The following PTPN3 variants were observed in gnomAD, a reference collection of about 807,000 sequenced individuals.
PTPN3 encodes protein tyrosine phosphatase non-receptor type 3.
In PTPN3, 96 loss-of-function variants were observed where a neutral mutation model predicts 132.7. That is an observed-to-expected ratio of 0.72 (90% CI 0.61 to 0.86). PTPN3 has a LOEUF of 0.86. Ranked by LOEUF, PTPN3 falls within the 40% of genes least tolerant of loss-of-function variation. The pLI is 0.00. For missense variants in PTPN3, 1,125 were observed against 1,159.6 expected, an observed-to-expected ratio of 0.97 and a Z score of 0.43; for synonymous variants, 398 against 429.0, an observed-to-expected ratio of 0.93 and a Z score of 0.89.
In PTPN3 at chr9:109,420,545, T is replaced by C; in HGVS notation, c.1192A>G (p.Asn398Asp). 1 of 1,613,206 alleles carries C rather than the reference T, an allele frequency of 6.2e-7. No homozygotes were observed. Among genetic ancestry groups the C allele is most frequent in the Non-Finnish European group, 8.5e-7 (1 of 1,179,938 alleles). Residue 398 changes from asparagine to aspartate, a missense_variant, in exon 14 of 26, where the codon AAC (asparagine) becomes GAC (aspartate). Asn to Asp is a conservative substitution (Grantham distance 23). Transcript: ENST00000374541. Reference sequence around the variant, plus strand: ...ATGTAGGTCATTTCATTTGCAAGGTTATCTGCAGAAGAGTGGCGTGGCTTT... The same window carrying C: ...ATGTAGGTCATTTCATTTGCAAGGTCATCTGCAGAAGAGTGGCGTGGCTTT... ...IRKPRHSSADNLANEMTYITE... is the reference protein window; with the variant it reads ...IRKPRHSSADDLANEMTYITE...
intron 14 of PTPN3, among the ~76,000 whole-genome samples, chr9:109,414,940 T>G (rs1329791948): frequency 6.6e-6 from 1 of 151,962 alleles, no homozygotes; most frequent in Non-Finnish European, 1.5e-5. Context: ...GGACACATGA[T>G]GTGGAAGTGG....
At chr9:109,452,804 TC>T (rs1554799350) in intron 5 of PTPN3, among the ~76,000 whole-genome samples, 1 of 152,166 alleles carries the variant, frequency 6.6e-6, no homozygotes, top group African/African-American at 2.4e-5. Context: ...CAAGTGACCC[TC>T]CCGCCTTGGG....
chr9:109,536,193 A>G, the PTPN3 span, among the ~76,000 whole-genome samples: 1 of 152,244 alleles, frequency 6.6e-6, no homozygotes, highest in Non-Finnish European at 1.5e-5. Context: ...CATTTATCAG[A>G]ACTTCATTCC....
chr9:109,415,077 A>ACCATTCAT, intron 14 of PTPN3, among the ~76,000 whole-genome samples: 1 of 125,188 alleles, frequency 8.0e-6, no homozygotes, highest in South Asian at 2.9e-4. Flanking sequence ...CGTCCATCCA[A>ACCATTCAT]CCATCCATCC....
chr9:109,483,900 G>A (rs1433704020), intron 1 of PTPN3, among the ~76,000 whole-genome samples: 1 of 152,182 alleles, frequency 6.6e-6, no homozygotes, highest in Non-Finnish European at 1.5e-5. Flanking sequence ...TCAAAGTGCA[G>A]TCTCTGGACC....
At chr9:109,527,771 G>A in the PTPN3 span, among the ~76,000 whole-genome samples, 1 of 152,104 alleles carries the variant, frequency 6.6e-6, no homozygotes, top group Non-Finnish European at 1.5e-5. Flanking sequence ...AAATAGATAA[G>A]TAAAATGAAT....
intron 1 of PTPN3, among the ~76,000 whole-genome samples, chr9:109,497,954 C>G (rs1260162219): frequency 1.4e-5 from 2 of 146,710 alleles, no homozygotes; most frequent in South Asian, 2.1e-4. Flanking sequence ...CGCCGCGTCC[C>G]GGCCGCCAGC....
chr9:109,475,028 T>C (rs1181037247), intron 1 of PTPN3, among the ~76,000 whole-genome samples: 1 of 152,104 alleles, frequency 6.6e-6, no homozygotes, highest in Non-Finnish European at 1.5e-5. Context: ...GTTCAATGGG[T>C]AGAAGATGAA....
chr9:109,475,919 C>T (rs1221307383), intron 1 of PTPN3, among the ~76,000 whole-genome samples: 2 of 152,196 alleles, frequency 1.3e-5, no homozygotes, highest in Non-Finnish European at 2.9e-5. Flanking sequence ...ACCAGTGTCC[C>T]TCGCCATAAT....
chr9:109,535,701 T>A, the PTPN3 span, among the ~76,000 whole-genome samples: 1 of 152,042 alleles, frequency 6.6e-6, no homozygotes, highest in Non-Finnish European at 1.5e-5. Flanking sequence ...GAGATAGGGT[T>A]TCACCACGTT....
the PTPN3 span, among the ~76,000 whole-genome samples, chr9:109,510,570 AAAAAAAATATAT>A: frequency 0.35 from 27,254 of 78,634 alleles, 4,055 homozygotes; most frequent in Admixed American, 0.41. Flanking sequence ...AAAAAAAAAA[AAAAAAAATATAT>A]ATATATATAT....
At chr9:109,408,794 A>ATATATATATATAT (rs373957307) in intron 16 of PTPN3, among the ~76,000 whole-genome samples, 27 of 87,376 alleles carry the variant, frequency 3.1e-4, no homozygotes, top group East Asian at 1.5e-3. Context: ...AAAAAAAAAA[A>ATATATATATATAT]AAATATATAT....
upstream of PTPN3, among the ~76,000 whole-genome samples, chr9:109,500,380 G>A (rs1238475910): frequency 6.6e-6 from 1 of 152,102 alleles, no homozygotes; most frequent in Non-Finnish European, 1.5e-5. Flanking sequence ...CCTCAACTTT[G>A]AGCTAGGAAC....
intron 5 of PTPN3, chr9:109,449,801 A>T: frequency 1.0e-6 from 1 of 985,468 alleles, no homozygotes; most frequent in Non-Finnish European, 1.2e-6. Flanking sequence ...AATAATTTTC[A>T]CAATTGAAAC....
intron 14 of PTPN3, among the ~76,000 whole-genome samples, chr9:109,413,991 T>C (rs1842282840): frequency 6.6e-6 from 1 of 152,140 alleles, no homozygotes; most frequent in Non-Finnish European, 1.5e-5. Context: ...ACAGGGGCCC[T>C]GTTTTGGGAG....
the PTPN3 span, among the ~76,000 whole-genome samples, chr9:109,524,635 C>A: frequency 1.3e-5 from 2 of 152,362 alleles, no homozygotes; most frequent in South Asian, 2.1e-4. Flanking sequence ...TGCATGTGGA[C>A]AAAGCCTTGA....
intron 1 of PTPN3, among the ~76,000 whole-genome samples, chr9:109,497,359 G>A (rs1469983151): frequency 6.6e-6 from 1 of 152,094 alleles, no homozygotes. Flanking sequence ...ACAACCCAGC[G>A]AGGTGGGCAT....
At chr9:109,460,405 C>T (rs972358187) in intron 2 of PTPN3, among the ~76,000 whole-genome samples, 7 of 152,154 alleles carry the variant, frequency 4.6e-5, no homozygotes, top group African/African-American at 1.7e-4. Flanking sequence ...CAACTGTGGA[C>T]AGAGCCCCAG....
chr9:109,388,522 A>T (rs2131617689), intron 22 of PTPN3, among the ~76,000 whole-genome samples: 1 of 152,312 alleles, frequency 6.6e-6, no homozygotes, highest in Middle Eastern at 3.4e-3. Context: ...CAGAGTGGAC[A>T]TCAACAAAAA....
Sources: gnomAD v4.1 joint callset for allele counts (sites outside exome capture counted in the v4.1 genomes callset) on GRCh38, gnomAD v4.1.1 for gene constraint, MANE v1.5 for transcripts, NCBI Gene and HGNC (gene_info 2026-07-23, HGNC 2026-07-21) for gene names.